The following ACP3 variants were observed in gnomAD, a reference collection of about 807,000 sequenced individuals.
ACP3 encodes the protein prostatic acid phosphatase.
ACP3 carries 38 observed loss-of-function variants against 45.6 expected under a neutral mutation model. The ratio of observed to expected loss-of-function variants is 0.83; its 90% CI spans 0.64 to 1.09. ACP3 has a LOEUF of 1.09. Among genes scored for constraint, ACP3 ranks in the 50% least tolerant of loss-of-function variants. ACP3 has a pLI of 0.00. For missense variants in ACP3, 466 were observed against 463.2 expected (o/e 1.01, Z -0.05); for synonymous variants, 162 against 164.7 (o/e 0.98, Z 0.13).
chr3:132,347,844 T>C (rs202022410), intron 7 of ACP3, among the ~76,000 whole-genome samples: 75 of 144,974 alleles, frequency 5.2e-4, no homozygotes, highest in South Asian at 1.8e-3. Flanking sequence ...CACACACACA[T>C]ACACACACAC....
chr3:132,338,722 T>C (rs936858988), intron 5 of ACP3, among the ~76,000 whole-genome samples: 4 of 152,182 alleles, frequency 2.6e-5, no homozygotes, highest in Non-Finnish European at 4.4e-5. Context: ...GAAGCATCCA[T>C]CTCCTCTAAA....
intron 4 of ACP3, chr3:132,337,233 A>C (rs1156754306): frequency 9.1e-6 from 1 of 109,920 alleles, no homozygotes; most frequent in Non-Finnish European, 1.5e-5. Context: ...TTTATGAATG[A>C]AAAAAAAGGA....
At chr3:132,361,452 G>T (rs376203342), downstream of ACP3, among the ~76,000 whole-genome samples, 4 of 152,236 alleles carry the variant, frequency 2.6e-5, no homozygotes, top group African/African-American at 9.6e-5. Context: ...CCCATACACT[G>T]CTCACCATGC....
chr3:132,338,247 C>T (rs2107803885), intron 5 of ACP3, among the ~76,000 whole-genome samples: 1 of 149,104 alleles, frequency 6.7e-6, no homozygotes, highest in East Asian at 1.9e-4. Flanking sequence ...AAATGGTATA[C>T]TATTCATAGG....
At chr3:132,349,205 T>G (rs776346811) in intron 7 of ACP3, among the ~76,000 whole-genome samples, 9 of 152,186 alleles carry the variant, frequency 5.9e-5, no homozygotes, top group Non-Finnish European at 8.8e-5. Flanking sequence ...AAGCTCTATA[T>G]CTGTCTTTCA....
intron 6 of ACP3, among the ~76,000 whole-genome samples, chr3:132,343,183 C>G (rs934091840): frequency 5.3e-5 from 8 of 152,138 alleles, no homozygotes; most frequent in African/African-American, 1.7e-4. Context: ...TGGTGTTTCT[C>G]ACTCACCATG....
intron 9 of ACP3, among the ~76,000 whole-genome samples, chr3:132,353,883 C>G (rs1168041117): frequency 6.6e-6 from 1 of 152,228 alleles, no homozygotes; most frequent in Non-Finnish European, 1.5e-5. Flanking sequence ...CATTCTCAAC[C>G]AATATCTTCA....
In ACP3 at chr3:132,357,246, A is replaced by G. The variant is rs1376141923; in HGVS notation, c.*368A>G. 1 of 993,776 alleles carries G rather than the reference A, an allele frequency of 1.0e-6. No homozygotes were observed. Among genetic ancestry groups the G allele is most frequent in the African/African-American group, 1.7e-5 (1 of 57,574 alleles). The allele number at this position is 993,776 out of a possible 1,614,324, so 61.6% of individuals were successfully genotyped here. On this transcript the variant is annotated 3_prime_UTR_variant, in exon 10 of 10. Transcript: ENST00000336375. ...GATTTTGCTTGAGCAGGATTAGATA[A>G]GGCTGTTCTTTAAATGTCTGAAATG...
At position 132,328,646 on chromosome 3, in the gene ACP3, T is replaced by C. The variant is rs1937345912; in HGVS notation, c.216+284T>C. ...GTGAGCCAAGATCGCACCATTGCAC[T>C]CCAGCCTGGGCAACAAGAGTAAAAC... On this transcript the variant is annotated intron_variant, in intron 2 of 9. Transcript: ENST00000336375. 7.2e-5 allele frequency among the ~76,000 whole-genome samples: 9 copies of C among 124,314 alleles called. No individual in the cohort carries two copies. The South Asian group carries it at 2.4e-3, about 34-fold the overall frequency. 81.6% of individuals were successfully genotyped at this position (124,314 alleles called of 152,430 possible). A position where few individuals can be genotyped will look rare whatever the true frequency, so the allele number is the denominator to read the frequency against.
chr3:132,337,484 C>G lies in ACP3; in HGVS notation c.485C>G (p.Pro162Arg). The part of the protein sequence containing the change: ...QLLYLPFRNC[P>R]RFQELESETL... Reference sequence around the variant, plus strand: ...CTATACCTGCCTTTCAGGAACTGCCCTCGTTTTCAAGAACTTGAGAGTGAG... The same window carrying G: ...CTATACCTGCCTTTCAGGAACTGCCGTCGTTTTCAAGAACTTGAGAGTGAG... Residue 162 changes from proline (P) to arginine (R), a missense_variant, in exon 5 of 10, where the codon CCT becomes CGT. Coordinates refer to ENST00000336375, the MANE Select transcript of ACP3 (RefSeq NM_001099.5). The G allele has an allele frequency of 1.2e-6, 2 of 1,610,874 alleles. No homozygotes were observed. Among genetic ancestry groups the G allele is most frequent in the Non-Finnish European group, 1.7e-6 (2 of 1,177,448 alleles).
At position 132,358,571 on chromosome 3, in the gene ACP3, G is replaced by A; in HGVS notation, c.*1693G>A. On this transcript the variant is annotated 3_prime_UTR_variant, in exon 10 of 10. Coordinates refer to ENST00000336375, the MANE Select transcript of ACP3 (RefSeq NM_001099.5). ...GGTTTCTACTGGCTGCCAGAATCTA[G>A]AGCAAAGCCATCCCCGCTCCTGGTT... is the stretch of plus-strand genomic sequence containing the variant. 1 of 1,138,184 alleles carries A rather than the reference G, an allele frequency of 8.8e-7. No individual in the cohort carries two copies. The highest frequency in any genetic ancestry group is 1.9e-5 in the South Asian group (1 of 53,740). 70.5% of individuals were successfully genotyped at this position (1,138,184 alleles called of 1,614,324 possible).
At chr3:132,359,468 A>G (rs979649386), downstream of ACP3, among the ~76,000 whole-genome samples, 4 of 152,138 alleles carry the variant, frequency 2.6e-5, no homozygotes, top group Non-Finnish European at 5.9e-5. Flanking sequence ...AGATCGCGCC[A>G]CTGCACTCCA....
intron 7 of ACP3, among the ~76,000 whole-genome samples, chr3:132,346,855 G>T (rs1266567506): frequency 6.6e-6 from 1 of 152,124 alleles, no homozygotes; most frequent in African/African-American, 2.4e-5. Context: ...CTACCACCTG[G>T]CTAGAAACAC....
intron 10 of ACP3, among the ~76,000 whole-genome samples, chr3:132,364,960 A>T (rs994322715): frequency 1.6e-4 from 25 of 152,210 alleles, no homozygotes; most frequent in Non-Finnish European, 3.7e-4. Context: ...GTTGCCTTAA[A>T]CTTATATTAA....
At chr3:132,351,385 G>A (rs1426259188) in intron 8 of ACP3, among the ~76,000 whole-genome samples, 1 of 152,216 alleles carries the variant, frequency 6.6e-6, no homozygotes, top group Non-Finnish European at 1.5e-5. Flanking sequence ...GCTGCCCATG[G>A]AGTCTGGGAT....
At chr3:132,348,594 C>T (rs569717380) in intron 7 of ACP3, among the ~76,000 whole-genome samples, 1 of 152,142 alleles carries the variant, frequency 6.6e-6, no homozygotes, top group Non-Finnish European at 1.5e-5. Flanking sequence ...TTTCAGGTGG[C>T]TGTCATGGCT....
intron 8 of ACP3, among the ~76,000 whole-genome samples, chr3:132,351,012 T>C (rs1449674231): frequency 6.6e-6 from 1 of 152,036 alleles, no homozygotes; most frequent in Non-Finnish European, 1.5e-5. Context: ...CAGTGATGAA[T>C]TGGAAGTGGG....
intron 4 of ACP3, among the ~76,000 whole-genome samples, chr3:132,334,328 T>C (rs928701822): frequency 6.6e-6 from 1 of 152,202 alleles, no homozygotes; most frequent in Non-Finnish European, 1.5e-5. Flanking sequence ...TTCTCTCATA[T>C]CAACTAAGAA....
chr3:132,348,727 A>C (rs1348091120), intron 7 of ACP3, among the ~76,000 whole-genome samples: 1 of 152,158 alleles, frequency 6.6e-6, no homozygotes, highest in Non-Finnish European at 1.5e-5. Flanking sequence ...AGACATGTAC[A>C]TTCAGATTAT....
Sources: allele counts gnomAD v4.1 joint callset (sites outside exome capture counted in the v4.1 genomes callset), GRCh38; gene constraint gnomAD v4.1.1; transcripts MANE v1.5; gene names NCBI Gene and HGNC (gene_info 2026-07-23, HGNC 2026-07-21).